The following CATSPERE variants were observed in gnomAD, a reference collection of about 807,000 sequenced individuals.
The protein encoded by CATSPERE is cation channel sperm-associated auxiliary subunit epsilon.
In CATSPERE, 93 loss-of-function variants were observed where a neutral mutation model predicts 114.1. That is an observed-to-expected ratio of 0.81 (90% CI 0.69 to 0.97). The LOEUF (loss-of-function observed/expected upper bound fraction) is 0.97, where lower values mean the gene tolerates loss of function less well. Ranked by LOEUF, CATSPERE falls within the 50% of genes least tolerant of loss-of-function variation. The pLI is 0.00. For synonymous variants in CATSPERE, 341 were observed against 384.1 expected (o/e 0.89, Z 1.31); for missense variants, 1,058 against 1,131.6 (o/e 0.93, Z 0.93).
chr1:244,627,461 A>T (rs1477971958), intron 20 of CATSPERE, among the ~76,000 whole-genome samples: 1 of 152,122 alleles, frequency 6.6e-6, no homozygotes, highest in East Asian at 1.9e-4. Context: ...CGGTAGTCCT[A>T]GCTACTCAGA....
At chr1:244,570,984 A>G (rs1489017167) in intron 10 of CATSPERE, among the ~76,000 whole-genome samples, 1 of 152,238 alleles carries the variant, frequency 6.6e-6, no homozygotes, top group Admixed American at 6.5e-5. Context: ...ACCTGGCTAA[A>G]GAACAGACAG....
intron 12 of CATSPERE, among the ~76,000 whole-genome samples, chr1:244,582,646 C>T (rs1244917245): frequency 1.3e-5 from 2 of 152,110 alleles, no homozygotes; most frequent in African/African-American, 4.8e-5. Context: ...AGGTGATCCG[C>T]CCACCTTGGC....
intron 5 of CATSPERE, among the ~76,000 whole-genome samples, chr1:244,488,974 C>T (rs894013699): frequency 1.3e-5 from 2 of 152,086 alleles, no homozygotes; most frequent in African/African-American, 4.8e-5. Flanking sequence ...TGATAATGTA[C>T]TAGACACTGC....
intron 20 of CATSPERE, among the ~76,000 whole-genome samples, chr1:244,621,092 TAAAA>T (rs1558609182): frequency 3.7e-4 from 25 of 67,360 alleles, no homozygotes; most frequent in Admixed American, 1.1e-3. Flanking sequence ...TAAATATATA[TAAAA>T]TATATATAAA....
rs555779476 is a variant in CATSPERE, at chr1:244,550,629, T to C, written c.537-1693T>C. On this transcript the variant is annotated intron_variant, in intron 8 of 21. Transcript: ENST00000366534. Reference sequence around the variant, plus strand: ...TTTAAGAAATTGTAATTGGAACCAATGTTAGAGCCAGGTGATGTGGCTTGC... The same window carrying C: ...TTTAAGAAATTGTAATTGGAACCAACGTTAGAGCCAGGTGATGTGGCTTGC... Among the ~76,000 whole-genome samples, 108 of 152,288 alleles carry C rather than the reference T, an allele frequency of 7.1e-4. 1 individual carries two copies. Among genetic ancestry groups the C allele is most frequent in the African/African-American group, 2.3e-3 (97 of 41,564 alleles).
chr1:244,610,565 A>G (rs1346820466), intron 19 of CATSPERE: 2 of 582,182 alleles, frequency 3.4e-6, no homozygotes, highest in East Asian at 6.9e-5. Flanking sequence ...GTGTTTGCAG[A>G]TTATTAAATA....
chr1:244,624,128 A>ATTT (rs58744339), intron 20 of CATSPERE, among the ~76,000 whole-genome samples: 3,272 of 125,890 alleles, frequency 0.026, 102 homozygotes, highest in Admixed American at 0.056. Context: ...TGCCCAGCTA[A>ATTT]TTTTTTTTTT....
chr1:244,451,540 T>C, upstream of CATSPERE: 2 of 1,361,660 alleles, frequency 1.5e-6, no homozygotes. This position sits in a 1 kb window ranked among gnomAD's most constrained non-coding sequence, Gnocchi z 6.6. Context: ...TTTTGGCCAG[T>C]GGATCCGGGT....
chr1:244,539,057 G>T (rs1256702936), intron 8 of CATSPERE, among the ~76,000 whole-genome samples: 1 of 152,192 alleles, frequency 6.6e-6, no homozygotes, highest in Non-Finnish European at 1.5e-5. Flanking sequence ...CCCCAGGCCA[G>T]AAGGCAGGTG....
At chr1:244,591,377 A>G (rs1181086560) in intron 14 of CATSPERE, among the ~76,000 whole-genome samples, 3 of 152,214 alleles carry the variant, frequency 2.0e-5, no homozygotes, top group Non-Finnish European at 4.4e-5. Flanking sequence ...TATCTAATTG[A>G]AATTGTCTAT....
At chr1:244,555,755 C>T (rs6669213) in intron 9 of CATSPERE, among the ~76,000 whole-genome samples, 20,117 of 151,990 alleles carry the variant, frequency 0.13, 2,397 homozygotes, top group African/African-American at 0.32. Flanking sequence ...AATCAGCATA[C>T]AAAAATCAGC....
intron 19 of CATSPERE, among the ~76,000 whole-genome samples, chr1:244,611,774 C>T (rs1376505826): frequency 6.6e-6 from 1 of 152,040 alleles, no homozygotes; most frequent in Non-Finnish European, 1.5e-5. Context: ...ACAAAAGGCA[C>T]CTAAATATTC....
At chr1:244,515,300 A>G (rs1203695245) in intron 7 of CATSPERE, 8 of 978,126 alleles carry the variant, frequency 8.2e-6, no homozygotes, top group Non-Finnish European at 9.7e-6. Context: ...CAGCTGTCTC[A>G]TGAAAGATAC....
At chr1:244,465,901 A>G (rs1198201077) in intron 2 of CATSPERE, among the ~76,000 whole-genome samples, 1 of 152,080 alleles carries the variant, frequency 6.6e-6, no homozygotes, top group Non-Finnish European at 1.5e-5. Flanking sequence ...CTTCTTCCTA[A>G]CTTTAGTAGA....
rs7514106 is a variant in CATSPERE, at chr1:244,573,850, A to T, written c.1950+1078A>T. Among the ~76,000 whole-genome samples, 28,580 of 152,210 alleles carry T rather than the reference A, an allele frequency of 0.19. 3,913 individuals are homozygous for T. The highest frequency in any genetic ancestry group is 0.41 in the East Asian group (2,107 of 5,170). On this transcript the variant is annotated intron_variant, in intron 11 of 21. Coordinates refer to ENST00000366534, the MANE Select transcript of CATSPERE (RefSeq NM_001130957.2). The surrounding 1 kb of genome is among the most constrained non-coding windows in gnomAD (Gnocchi z 4.0). ...TGCAGCCATCTTTGCAAACAATGTC[A>T]TAATAGGTGTTATAAGTAAAATGTT...
intron 20 of CATSPERE, among the ~76,000 whole-genome samples, chr1:244,628,908 A>G (rs1365334163): frequency 6.6e-6 from 1 of 152,196 alleles, no homozygotes; most frequent in Non-Finnish European, 1.5e-5. Flanking sequence ...TCGGCATCCC[A>G]AGACCAGTTC....
chr1:244,609,069 C>T (rs1037600854), intron 18 of CATSPERE, among the ~76,000 whole-genome samples: 3 of 151,910 alleles, frequency 2.0e-5, no homozygotes, highest in African/African-American at 7.3e-5. Flanking sequence ...ACCTGTAGTC[C>T]TAGCTACTCG....
Position 244,610,254 on chromosome 1 carries a change from T to C in CATSPERE, c.2418T>C (p.His806=), listed in dbSNP as rs1370603302. The C allele has an allele frequency of 1.2e-6, 2 of 1,608,510 alleles. No homozygotes were observed. The highest frequency in any genetic ancestry group is 2.2e-5 in the East Asian group (1 of 44,786). Residue 806 remains histidine (H), a synonymous_variant, in exon 19 of 22, where the codon CAT becomes CAC. Transcript: ENST00000366534. ...TCTTTTGACAGAGTGGTTGTTTACATGAAGCACAGACATGGAAGTCAATGA... is the reference window on the plus strand; with the variant it reads ...TCTTTTGACAGAGTGGTTGTTTACACGAAGCACAGACATGGAAGTCAATGA... ...NNTMAQSGCL[H]EAQTWKSMIE... is the part of the protein sequence containing the mutation.
intron 17 of CATSPERE, chr1:244,598,604 C>A: frequency 2.8e-6 from 1 of 359,010 alleles, no homozygotes; most frequent in South Asian, 2.3e-5. Context: ...TGGGCCCAGT[C>A]TTATGCTTGC....
Sources: allele counts gnomAD v4.1 joint callset (sites outside exome capture counted in the v4.1 genomes callset), GRCh38; gene constraint gnomAD v4.1.1; non-coding constraint Gnocchi (gnomAD v3.1); transcripts MANE v1.5; gene names NCBI Gene and HGNC (gene_info 2026-07-23, HGNC 2026-07-21).